The following NSMAF variants were observed in gnomAD, a reference collection of about 807,000 sequenced individuals.
The protein encoded by NSMAF is neutral sphingomyelinase activation associated factor.
NSMAF carries 90 observed loss-of-function variants against 134.9 expected under a neutral mutation model. The observed-to-expected ratio is 0.67, with a 90% CI of 0.56 to 0.79. The LOEUF (loss-of-function observed/expected upper bound fraction) is 0.79. Among genes scored for constraint, NSMAF ranks in the 30% least tolerant of loss-of-function variants. NSMAF has a pLI of 0.00. For synonymous variants in NSMAF, 358 were observed against 389.6 expected (o/e 0.92, Z 0.96); for missense variants, 1,010 against 1,119.0 (o/e 0.90, Z 1.39).
chr8:58,606,016 G>C lies in NSMAF; in HGVS notation c.779C>G (p.Thr260Arg). The C allele has an allele frequency of 6.3e-7, 1 of 1,589,922 alleles. No individual in the cohort carries two copies. The highest frequency in any genetic ancestry group is 8.5e-7 in the Non-Finnish European group (1 of 1,171,976). Residue 260 changes from threonine to arginine, a missense_variant, in exon 12 of 31, where the codon ACA becomes AGA. Thr to Arg is a moderately conservative substitution (Grantham distance 71). Transcript: ENST00000038176. ...LMPLGLEVFC[T>R]EDDLCSDIYL... ...GATGTCGGAACACAGATCATCTTCT[G>C]TGCAAAATACTTCCAAGCCCTATAA...
intron 1 of NSMAF, among the ~76,000 whole-genome samples, chr8:58,647,524 G>A (rs573194475): frequency 5.7e-4 from 87 of 152,268 alleles, no homozygotes; most frequent in Admixed American, 4.6e-4. Flanking sequence ...AGGCCCGGTA[G>A]GAGGTGATTG....
intron 1 of NSMAF, among the ~76,000 whole-genome samples, chr8:58,647,996 G>C (rs937439047): frequency 1.8e-4 from 27 of 152,186 alleles, no homozygotes; most frequent in African/African-American, 6.5e-4. Flanking sequence ...ACAAGGGAAA[G>C]TTTGAAACTT....
chr8:58,634,350 A>G (rs531211183), intron 5 of NSMAF, among the ~76,000 whole-genome samples: 3 of 152,352 alleles, frequency 2.0e-5, no homozygotes, highest in East Asian at 3.9e-4. Context: ...AGTGATAGAA[A>G]AAGTGCTGGG....
chr8:58,589,594 C>A lies in NSMAF; in HGVS notation c.2088-19G>T. 1 of 1,557,550 alleles carries A rather than the reference C, an allele frequency of 6.4e-7. No individual in the cohort carries two copies. Among genetic ancestry groups the A allele is most frequent in the Non-Finnish European group, 8.6e-7 (1 of 1,163,082 alleles). ...AAAATAGCTAAAAGATAATGAGAAG[C>A]ATTAAAACAGTAGTCTGGCTTAATT... is the stretch of plus-strand genomic sequence containing the variant. On this transcript the variant is annotated intron_variant, in intron 25 of 30. Coordinates refer to ENST00000038176, the MANE Select transcript of NSMAF (RefSeq NM_003580.4).
chr8:58,633,827 T>C (rs1168354888), intron 5 of NSMAF, among the ~76,000 whole-genome samples: 1 of 152,140 alleles, frequency 6.6e-6, no homozygotes, highest in Non-Finnish European at 1.5e-5. Context: ...ACAGGAAGCT[T>C]TAAATAATGC....
chr8:58,620,759 T>A (rs1806769114), intron 9 of NSMAF, among the ~76,000 whole-genome samples: 1 of 152,176 alleles, frequency 6.6e-6, no homozygotes, highest in African/African-American at 2.4e-5. Context: ...GATAACTTTG[T>A]GGACCATATG....
chr8:58,635,500 CA>C lies in NSMAF; in HGVS notation c.195del (p.Phe65LeufsTer15), dbSNP rs1451429530. 1.9e-6 allele frequency: 3 copies of C among 1,606,394 alleles called. No individual in the cohort carries two copies. The highest frequency in any genetic ancestry group is 2.5e-6 in the Non-Finnish European group (3 of 1,177,428). ...ATGGGCTGGGATATTGAATCTGGTT[CA>C]AAAATCACCGATTTTGAACATATTT... ...SLKICSKSVIFEPDSISQPII... is the reference protein window; with the variant it reads ...SLKICSKSVIXEPDSISQPII... On this transcript the variant is annotated frameshift_variant, in exon 3 of 31. Transcript: ENST00000038176. LOFTEE classifies it high-confidence loss of function.
intron 21 of NSMAF, among the ~76,000 whole-genome samples, chr8:58,596,527 T>C (rs1367413534): frequency 6.6e-6 from 1 of 152,172 alleles, no homozygotes; most frequent in Non-Finnish European, 1.5e-5. Context: ...CTGGGTCAAG[T>C]TCAATTTAGT....
In NSMAF at chr8:58,588,275, T is replaced by C. The variant is rs371352517; in HGVS notation, c.2212-574A>G. The stretch of plus-strand genomic sequence containing the variant: ...AATGGTGAATGAATGAGCATTCAGA[T>C]ATTTTCAGTTTAAATAAAATGTGTC... On this transcript the variant is annotated intron_variant, in intron 26 of 30. Coordinates refer to ENST00000038176, the MANE Select transcript of NSMAF (RefSeq NM_003580.4). 46 of 645,084 alleles carry C rather than the reference T, an allele frequency of 7.1e-5. No homozygotes were observed. In the East Asian group the frequency reaches 1.2e-3, roughly 16 times the overall value. The allele number at this position is 645,084 out of a possible 1,614,324, so 40.0% of individuals were successfully genotyped here.
intron 2 of NSMAF, among the ~76,000 whole-genome samples, chr8:58,639,155 C>T (rs936956597): frequency 2.6e-5 from 4 of 151,988 alleles, no homozygotes; most frequent in Non-Finnish European, 5.9e-5. Flanking sequence ...AATGGTGGCA[C>T]GTGCTGTACG....
At chr8:58,640,827 A>T (rs1807317740) in intron 2 of NSMAF, among the ~76,000 whole-genome samples, 1 of 152,146 alleles carries the variant, frequency 6.6e-6, no homozygotes, top group Non-Finnish European at 1.5e-5. Context: ...TTGGCTTACT[A>T]AAGTGCTGGG....
intron 2 of NSMAF, among the ~76,000 whole-genome samples, chr8:58,638,418 A>T (rs993854265): frequency 1.3e-5 from 2 of 152,122 alleles, no homozygotes; most frequent in African/African-American, 4.8e-5. Flanking sequence ...CTACAAAGCT[A>T]CATTAATCAA....
intron 1 of NSMAF, among the ~76,000 whole-genome samples, chr8:58,655,662 C>T (rs568651541): frequency 2.0e-5 from 3 of 152,140 alleles, no homozygotes; most frequent in East Asian, 3.9e-4. Context: ...AATCCCAGCA[C>T]TTTGGGAGGC....
chr8:58,637,135 GAT>G, intron 2 of NSMAF: 1 of 319,310 alleles, frequency 3.1e-6, no homozygotes, highest in Admixed American at 3.9e-5. Flanking sequence ...ATTCTTTTCT[GAT>G]GCTTACATTG....
At chr8:58,631,684 A>T in intron 5 of NSMAF, 138 bp from the exon 6 acceptor site, 1 of 502,364 alleles carries the variant, frequency 2.0e-6, no homozygotes. Flanking sequence ...TATTTGCTTT[A>T]GTATTAGTAC....
At chr8:58,597,263 A>C (rs1806157765) in intron 21 of NSMAF, 124 bp downstream of exon 21, 3 of 849,790 alleles carry the variant, frequency 3.5e-6, no homozygotes, top group Non-Finnish European at 5.6e-6. Flanking sequence ...AACTGCAATA[A>C]GGCAGGAGAA....
At chr8:58,651,466 A>G (rs1283096423) in intron 1 of NSMAF, among the ~76,000 whole-genome samples, 1 of 152,224 alleles carries the variant, frequency 6.6e-6, no homozygotes, top group East Asian at 1.9e-4. Context: ...ACTATGTGAG[A>G]TGCAGTGACT....
At chr8:58,644,594 A>G (rs1341727402) in intron 1 of NSMAF, among the ~76,000 whole-genome samples, 3 of 152,246 alleles carry the variant, frequency 2.0e-5, no homozygotes, top group Admixed American at 6.5e-5. Context: ...ATACCATTTG[A>G]CCAAGCCATC....
intron 2 of NSMAF, among the ~76,000 whole-genome samples, chr8:58,637,970 T>C (rs1290439023): frequency 6.6e-6 from 1 of 151,800 alleles, no homozygotes; most frequent in Non-Finnish European, 1.5e-5. Flanking sequence ...AAAATCCCAA[T>C]GGCATTTTTA....
Sources: allele counts gnomAD v4.1 joint callset (sites outside exome capture counted in the v4.1 genomes callset), GRCh38; gene constraint gnomAD v4.1.1; transcripts MANE v1.5; gene names NCBI Gene and HGNC (gene_info 2026-07-23, HGNC 2026-07-21).